The following SLC5A11 variants were observed in gnomAD, a reference collection of about 807,000 sequenced individuals.
SLC5A11 encodes sodium/myo-inositol cotransporter 2.
SLC5A11 carries 48 observed loss-of-function variants against 69.8 expected under a neutral mutation model. The ratio of observed to expected loss-of-function variants is 0.69; its 90% CI spans 0.55 to 0.87. SLC5A11 has a LOEUF of 0.87. Among genes scored for constraint, SLC5A11 ranks in the 40% least tolerant of loss-of-function variants. The pLI is 0.00. For synonymous variants in SLC5A11, 319 were observed against 342.4 expected, an observed-to-expected ratio of 0.93 and a Z score of 0.75; for missense variants, 784 against 866.1, an observed-to-expected ratio of 0.91 and a Z score of 1.19.
intron 1 of SLC5A11, among the ~76,000 whole-genome samples, chr16:24,848,722 G>A (rs887150436): frequency 5.3e-5 from 8 of 152,316 alleles, no homozygotes; most frequent in Non-Finnish European, 1.2e-4. Flanking sequence ...TGAGGCCACA[G>A]TGAGCTCTGA....
chr16:24,853,769 C>T (rs1034372274), intron 1 of SLC5A11, among the ~76,000 whole-genome samples: 1 of 152,206 alleles, frequency 6.6e-6, no homozygotes, highest in East Asian at 1.9e-4. Context: ...GGTGAAATCA[C>T]GTTTGCCTCA....
intron 8 of SLC5A11, among the ~76,000 whole-genome samples, chr16:24,888,382 A>G (rs1182931600): frequency 6.6e-6 from 1 of 152,110 alleles, no homozygotes; most frequent in East Asian, 1.9e-4. Flanking sequence ...TACCTCTATC[A>G]AAACATTTAT....
intron 1 of SLC5A11, among the ~76,000 whole-genome samples, chr16:24,851,166 C>G (rs1378350440): frequency 6.6e-6 from 1 of 151,800 alleles, no homozygotes; most frequent in East Asian, 1.9e-4. Context: ...GGGTCTCACT[C>G]TGTCACCAGG....
intron 1 of SLC5A11, among the ~76,000 whole-genome samples, chr16:24,851,969 T>TTCTCTCTC (rs59768610): frequency 2.2e-4 from 31 of 140,160 alleles, no homozygotes; most frequent in African/African-American, 5.5e-4. Flanking sequence ...CTTCCCTTGC[T>TTCTCTCTC]TCTCTCTCTC....
intron 5 of SLC5A11, among the ~76,000 whole-genome samples, chr16:24,873,509 T>C (rs997454214): frequency 3.0e-4 from 46 of 151,842 alleles, no homozygotes; most frequent in African/African-American, 1.1e-3. Context: ...ACTGGTGGTG[T>C]GCACCTTTAG....
intron 10 of SLC5A11, among the ~76,000 whole-genome samples, chr16:24,901,978 A>G (rs907844730): frequency 6.6e-6 from 1 of 150,502 alleles, no homozygotes; most frequent in African/African-American, 2.4e-5. Context: ...ACACACACAC[A>G]CACATATATA....
Position 24,908,135 on chromosome 16 carries a change from G to C in SLC5A11, c.1434+4G>C. The C allele has an allele frequency of 6.4e-7, 1 of 1,571,892 alleles. No individual in the cohort carries two copies. Among genetic ancestry groups the C allele is most frequent in the Non-Finnish European group, 8.6e-7 (1 of 1,160,272 alleles). On this transcript the variant is annotated splice_donor_region_variant and intron_variant, in intron 13 of 15. Transcript: ENST00000347898. ...CTGGAAGAGGACCAATGAAAAGGTA[G>C]CTCTGGATGGCTCCCACTATGCCAG...
intron 5 of SLC5A11, among the ~76,000 whole-genome samples, chr16:24,874,105 G>A (rs2047512358): frequency 6.6e-6 from 1 of 152,290 alleles, no homozygotes; most frequent in Admixed American, 6.5e-5. Context: ...GGGATTACAG[G>A]TGTGAGCCAC....
intron 2 of SLC5A11, among the ~76,000 whole-genome samples, chr16:24,860,866 C>T (rs1268406478): frequency 1.3e-5 from 2 of 152,118 alleles, no homozygotes; most frequent in East Asian, 1.9e-4. Flanking sequence ...TCACCATGCC[C>T]GGATAATTTT....
chr16:24,898,163 G>C, intron 10 of SLC5A11, 54 bp downstream of exon 11: 1 of 1,588,168 alleles, frequency 6.3e-7, no homozygotes, highest in Non-Finnish European at 8.6e-7. Context: ...CAGACCATGT[G>C]AATTATTCTA....
At chr16:24,873,103 A>C (rs2047419049) in intron 5 of SLC5A11, among the ~76,000 whole-genome samples, 1 of 137,450 alleles carries the variant, frequency 7.3e-6, no homozygotes, top group Non-Finnish European at 1.5e-5. Flanking sequence ...ACACTACTTA[A>C]CTCCTGCCTG....
chr16:24,879,801 C>T (rs1444142321), intron 7 of SLC5A11, among the ~76,000 whole-genome samples: 2 of 152,142 alleles, frequency 1.3e-5, no homozygotes, highest in Non-Finnish European at 2.9e-5. Context: ...CATTAATTCA[C>T]TTAGGATAAG....
At chr16:24,858,231 T>A (rs1372100171) in intron 1 of SLC5A11, among the ~76,000 whole-genome samples, 1 of 152,156 alleles carries the variant, frequency 6.6e-6, no homozygotes. Flanking sequence ...TGGACAAAAT[T>A]GTTGACTTGA....
intron 9 of SLC5A11, among the ~76,000 whole-genome samples, chr16:24,891,305 T>A (rs1307588321): frequency 7.5e-6 from 1 of 133,208 alleles, no homozygotes; most frequent in African/African-American, 2.8e-5. Flanking sequence ...CTCAACACAC[T>A]CTGCCTTTTT....
intron 8 of SLC5A11, among the ~76,000 whole-genome samples, chr16:24,885,656 C>CAAAAAAAAA (rs748412604): frequency 1.5e-5 from 1 of 65,938 alleles, no homozygotes; most frequent in African/African-American, 6.4e-5. Flanking sequence ...GACCCTGTCT[C>CAAAAAAAAA]AAAAAAAAAA....
exon 16 of SLC5A11, chr16:24,911,477 G>A (rs765779877): frequency 9.9e-6 from 16 of 1,614,012 alleles, no homozygotes; most frequent in African/African-American, 8.0e-5. Context: ...CCTCCTGGAC[G>A]TCAACCTCAT....
chr16:24,905,033 T>C (rs1403972252), intron 10 of SLC5A11, among the ~76,000 whole-genome samples: 1 of 151,758 alleles, frequency 6.6e-6, no homozygotes, highest in Non-Finnish European at 1.5e-5. Context: ...AGTGAGAACA[T>C]GTGGTGTTTG....
chr16:24,880,364 G>GTGC (rs2047959865), intron 7 of SLC5A11, among the ~76,000 whole-genome samples: 4 of 152,146 alleles, frequency 2.6e-5, no homozygotes, highest in African/African-American at 9.6e-5. Flanking sequence ...TTGAGATGGA[G>GTGC]ACTTACTCTT....
At chr16:24,849,593 AATATATATATATAT>A (rs1555515955) in intron 1 of SLC5A11, among the ~76,000 whole-genome samples, 32 of 35,888 alleles carry the variant, frequency 8.9e-4, no homozygotes, top group Non-Finnish European at 1.0e-3. Context: ...AAAAAAAAAA[AATATATATATATAT>A]ATATATATAT....
Sources: gnomAD v4.1 joint callset for allele counts (sites outside exome capture counted in the v4.1 genomes callset) on GRCh38, gnomAD v4.1.1 for gene constraint, MANE v1.5 for transcripts, NCBI Gene and HGNC (gene_info 2026-07-23, HGNC 2026-07-21) for gene names.